LCA5: variants seen among roughly 807,000 people sequenced by gnomAD.
LCA5 encodes the protein lebercilin LCA5.
In LCA5, 37 loss-of-function variants were observed where a neutral mutation model predicts 53.0. The ratio of observed to expected loss-of-function variants is 0.70; its 90% CI spans 0.54 to 0.92. The LOEUF is 0.92. Among genes scored for constraint, LCA5 ranks in the 40% least tolerant of loss-of-function variants. LCA5 has a pLI of 0.00. For synonymous variants in LCA5, 303 were observed against 282.9 expected, an observed-to-expected ratio of 1.07 and a Z score of -0.71; for missense variants, 806 against 790.5, an observed-to-expected ratio of 1.02 and a Z score of -0.23.
chr6:79,517,143 G>A (rs905443505), intron 2 of LCA5, among the ~76,000 whole-genome samples: 1 of 152,034 alleles, frequency 6.6e-6, no homozygotes, highest in Non-Finnish European at 1.5e-5. Context: ...AAACGTATCA[G>A]TTTGGTCTTG....
intron 3 of LCA5, 138 bp from the exon 4 acceptor site, chr6:79,493,888 C>A: frequency 1.6e-6 from 1 of 630,096 alleles, no homozygotes; most frequent in South Asian, 2.2e-5. Flanking sequence ...TATTCATGTA[C>A]ATAAGCTGGG....
Position 79,515,985 on chromosome 6 carries a change from G to C in LCA5, c.191-2244C>G, listed in dbSNP as rs76158186. 6.6e-3 allele frequency among the ~76,000 whole-genome samples: 998 copies of C among 151,894 alleles called. 12 individuals are homozygous for C. The highest frequency in any genetic ancestry group is 0.023 in the African/African-American group (942 of 41,474). Reference sequence around the variant, plus strand: ...CTTGACAAGTGGGTAGCCCAAACTGGGATATGCTATAATTGTGAAACACAC... The same window carrying C: ...CTTGACAAGTGGGTAGCCCAAACTGCGATATGCTATAATTGTGAAACACAC... On this transcript the variant is annotated intron_variant, in intron 2 of 7. Coordinates refer to ENST00000369846, the MANE Select transcript of LCA5 (RefSeq NM_001122769.3).
chr6:79,494,771 T>G (rs919128459), intron 3 of LCA5, among the ~76,000 whole-genome samples: 3 of 152,200 alleles, frequency 2.0e-5, no homozygotes, highest in African/African-American at 4.8e-5. Context: ...TGCTGTTCAT[T>G]ATTAGGGTGC....
At chr6:79,499,942 C>T (rs991899527) in intron 3 of LCA5, among the ~76,000 whole-genome samples, 21 of 149,470 alleles carry the variant, frequency 1.4e-4, no homozygotes, top group African/African-American at 2.0e-4. Context: ...TGAGAATATG[C>T]GGTGTTTGGT....
chr6:79,507,977 G>A (rs1433181867), intron 3 of LCA5, among the ~76,000 whole-genome samples: 1 of 152,124 alleles, frequency 6.6e-6, no homozygotes, highest in Non-Finnish European at 1.5e-5. Flanking sequence ...CATTCCTGTG[G>A]AAGTTAATAG....
At chr6:79,530,693 ATAACT>A (rs978650759) in intron 1 of LCA5, among the ~76,000 whole-genome samples, 3 of 152,304 alleles carry the variant, frequency 2.0e-5, no homozygotes, top group Non-Finnish European at 2.9e-5. Context: ...AACAACCCAA[ATAACT>A]TAACTTTCCT....
intron 3 of LCA5, among the ~76,000 whole-genome samples, chr6:79,509,454 A>C (rs1227882070): frequency 1.4e-5 from 1 of 73,848 alleles, no homozygotes; most frequent in African/African-American, 6.1e-5. Context: ...ACTCCGTCTC[A>C]AAAAAAAAAA....
intron 1 of LCA5, among the ~76,000 whole-genome samples, chr6:79,525,742 G>C (rs943642335): frequency 6.6e-6 from 1 of 152,290 alleles, no homozygotes; most frequent in East Asian, 1.9e-4. Context: ...ACCCAGTAGG[G>C]CAAGGCCTCG....
chr6:79,511,436 G>T (rs1415035268), intron 3 of LCA5, among the ~76,000 whole-genome samples: 1 of 152,078 alleles, frequency 6.6e-6, no homozygotes, highest in East Asian at 1.9e-4. Context: ...GAAATAATGA[G>T]CAAATTAGCT....
intron 1 of LCA5, among the ~76,000 whole-genome samples, chr6:79,519,443 T>C (rs1355158392): frequency 1.3e-5 from 2 of 152,204 alleles, no homozygotes; most frequent in East Asian, 1.9e-4. Context: ...GGAGTGGAAG[T>C]AGTGGTGATA....
intron 3 of LCA5, among the ~76,000 whole-genome samples, chr6:79,502,633 C>T (rs1770171946): frequency 6.6e-6 from 1 of 152,000 alleles, no homozygotes; most frequent in Non-Finnish European, 1.5e-5. Context: ...GTTTTTAGAT[C>T]ATTTTATCAG....
At chr6:79,508,853 T>C (rs1770336469) in intron 3 of LCA5, among the ~76,000 whole-genome samples, 2 of 152,156 alleles carry the variant, frequency 1.3e-5, no homozygotes, top group Admixed American at 6.5e-5. Context: ...AGAGAAAGGA[T>C]CAATAGTGTT....
Position 79,487,266 on chromosome 6 carries a change from G to C in LCA5, c.1832C>G (p.Ala611Gly). The C allele has an allele frequency of 1.2e-6, 2 of 1,613,956 alleles. No homozygotes were observed. The highest frequency in any genetic ancestry group is 1.1e-5 in the South Asian group (1 of 91,080). ...GGAGGAAATGGTGCTGCTACCACTG[G>C]CACCAAATAACTGTTCCATCAAATT... is the stretch of plus-strand genomic sequence containing the variant. ...KANLMEQLFG[A>G]SGSSTISSKS... The change falls in exon 8 of 8, where the codon GCC (alanine) becomes GGC (glycine). Residue 611 changes from alanine to glycine, a missense_variant. By Grantham distance (60) the Ala-to-Gly change is moderately conservative. Coordinates refer to ENST00000369846, the MANE Select transcript of LCA5 (RefSeq NM_001122769.3).
intron 3 of LCA5, among the ~76,000 whole-genome samples, chr6:79,503,813 C>T (rs974647744): frequency 6.6e-6 from 1 of 152,294 alleles, no homozygotes; most frequent in East Asian, 1.9e-4. Context: ...CGTGCGCGTG[C>T]GTATAAAGTT....
At chr6:79,501,631 T>C (rs1233519644) in intron 3 of LCA5, among the ~76,000 whole-genome samples, 2 of 151,602 alleles carry the variant, frequency 1.3e-5, no homozygotes, top group African/African-American at 4.8e-5. Context: ...TATCCAATTA[T>C]ATCCACTATA....
In LCA5 at chr6:79,517,483, T is replaced by C. The variant is rs552781851; in HGVS notation, c.190+1222A>G. On this transcript the variant is annotated intron_variant, in intron 2 of 7. Transcript: ENST00000369846. ...GATCTGTTTTGTTAGTTCTTAATTA[T>C]ACAGCAAAAGTTTAATAAGAGATCA... Among the ~76,000 whole-genome samples the C allele has an allele frequency of 3.2e-4, 48 of 152,264 alleles. No homozygotes were observed. In the Middle Eastern group the frequency reaches 0.017, roughly 54 times the overall value.
At chr6:79,512,015 CTA>C (rs1582638632) in intron 3 of LCA5, among the ~76,000 whole-genome samples, 3 of 152,066 alleles carry the variant, frequency 2.0e-5, no homozygotes, top group Admixed American at 2.0e-4. Flanking sequence ...TGTTCTCTCT[CTA>C]TATGTAGTTT....
In LCA5 at chr6:79,536,396, ATATG is replaced by A. The variant is rs1475707753; in HGVS notation, c.-192+765_-192+768del. ...ACGTGAAGATAAAGGAGGGGAATAA[ATATG>A]TATGTGCCCAAGTATACTTTCCAAA... On this transcript the variant is annotated intron_variant, in intron 1 of 7. Transcript: ENST00000369846. Among the ~76,000 whole-genome samples the A allele has an allele frequency of 2.0e-5, 3 of 152,176 alleles. No homozygotes were observed. In the East Asian group the frequency reaches 5.8e-4, roughly 29 times the overall value.
rs1232941298 is a variant in LCA5, at chr6:79,489,187, A to G, written c.1128T>C (p.His376=). ...TTGGGTTTAGAATCCCTGCTTCTCC[A>G]TGCCTGTCTTGCTTTTGAGATTGCA... The part of the protein sequence containing the change: ...LDLQSQKQDR[H]GEAGILNPIM... The change falls in exon 7 of 8, where the codon CAT becomes CAC. Residue 376 remains histidine, a synonymous_variant. Coordinates refer to ENST00000369846, the MANE Select transcript of LCA5 (RefSeq NM_001122769.3). 2 of 1,612,514 alleles carry G rather than the reference A, an allele frequency of 1.2e-6. No individual in the cohort carries two copies. Among genetic ancestry groups the G allele is most frequent in the Non-Finnish European group, 1.7e-6 (2 of 1,179,658 alleles).
Sources: allele counts gnomAD v4.1 joint callset (sites outside exome capture counted in the v4.1 genomes callset), GRCh38; gene constraint gnomAD v4.1.1; transcripts MANE v1.5; gene names NCBI Gene and HGNC (gene_info 2026-07-23, HGNC 2026-07-21).